The following SH2B3 variants were observed in gnomAD, a reference collection of about 807,000 sequenced individuals.
SH2B3 encodes the protein SH2B adaptor protein 3.
A neutral mutation model predicts 51.9 loss-of-function variants in SH2B3; 43 were observed. That is an observed-to-expected ratio of 0.83 (90% CI 0.65 to 1.07). The LOEUF is 1.07. Ranked by LOEUF, SH2B3 falls within the 50% of genes least tolerant of loss-of-function variation. SH2B3 has a pLI of 0.00. For missense variants in SH2B3, 952 were observed against 834.3 expected (o/e 1.14, Z -1.74); for synonymous variants, 396 against 376.0 (o/e 1.05, Z -0.62).
chr12:111,428,981 G>C (rs537491538), intron 2 of SH2B3, among the ~76,000 whole-genome samples: 1 of 151,698 alleles, frequency 6.6e-6, no homozygotes, highest in African/African-American at 2.4e-5. Flanking sequence ...GACGTCCGCC[G>C]GAGGCCTGGC....
At chr12:111,417,832 G>A (rs776854985) in intron 1 of SH2B3, among the ~76,000 whole-genome samples, 6 of 152,126 alleles carry the variant, frequency 3.9e-5, no homozygotes, top group African/African-American at 7.2e-5. Flanking sequence ...TTATCATAAA[G>A]ATATGTTGAA....
chr12:111,425,456 TC>T (rs1871920497), intron 2 of SH2B3, among the ~76,000 whole-genome samples: 1 of 150,976 alleles, frequency 6.6e-6, no homozygotes, highest in East Asian at 1.9e-4. Context: ...GGTGAAGGAG[TC>T]CCAGGCTGAG....
chr12:111,447,898 C>A, intron 7 of SH2B3, 71 bp downstream of exon 7: 1 of 1,563,038 alleles, frequency 6.4e-7, no homozygotes, highest in Non-Finnish European at 8.8e-7. Flanking sequence ...TGCTGCAGAC[C>A]CAGGGGTACA....
chr12:111,418,645 G>C lies in SH2B3; in HGVS notation c.500G>C (p.Gly167Ala). Residue 167 changes from glycine to alanine, a missense_variant, in exon 2 of 8, where the codon GGA (glycine) becomes GCA (alanine). By Grantham distance (60) the Gly-to-Ala change is moderately conservative (BLOSUM62 0). Coordinates refer to ENST00000341259, the MANE Select transcript of SH2B3 (RefSeq NM_005475.3). The surrounding 1 kb of genome is among the most constrained non-coding windows in gnomAD (Gnocchi z 6.7). ...ACCGCTGCCGCCCCCGGGACCCCCG[G>C]AGAGGCTGCTGAGACCCCCGCCCGG... ...AHTAAAPGTP[G>A]EAAETPARPG... 2 of 1,479,718 alleles carry C rather than the reference G, an allele frequency of 1.4e-6. No individual in the cohort carries two copies. The highest frequency in any genetic ancestry group is 8.9e-7 in the Non-Finnish European group (1 of 1,124,678). The allele number at this position is 1,479,718 out of a possible 1,614,324, so 91.7% of individuals were successfully genotyped here.
At chr12:111,420,038 G>C (rs1871408398) in intron 2 of SH2B3, among the ~76,000 whole-genome samples, 3 of 152,160 alleles carry the variant, frequency 2.0e-5, no homozygotes. Context: ...GCTGGTAGCA[G>C]GTCACTCTGA....
Position 111,448,255 on chromosome 12 carries a change from T to A in SH2B3, c.1681T>A (p.Ser561Thr). 6.2e-7 allele frequency: 1 copy of A among 1,614,048 alleles called. No individual in the cohort carries two copies. The highest frequency in any genetic ancestry group is 8.5e-7 in the Non-Finnish European group (1 of 1,179,978). ...CTCGGACTACGAAATGGACTCATCC[T>A]CCCGGAGCCACCTGCGGGCCATAGA... ...RDSDYEMDSS[S>T]RSHLRAIDNQ... Residue 561 changes from serine to threonine, a missense_variant, in exon 8 of 8, where the codon TCC becomes ACC. Physicochemically the swap from Ser to Thr is moderately conservative, Grantham distance 58. Transcript: ENST00000341259.
intron 2 of SH2B3, among the ~76,000 whole-genome samples, chr12:111,434,369 AC>A (rs1485732435): frequency 6.6e-6 from 1 of 152,024 alleles, no homozygotes; most frequent in African/African-American, 2.4e-5. Context: ...GTGGATTTCG[AC>A]TGTTTCTCTT....
chr12:111,414,870 G>A (rs1041846677), intron 1 of SH2B3, among the ~76,000 whole-genome samples: 3 of 152,218 alleles, frequency 2.0e-5, no homozygotes, highest in African/African-American at 7.2e-5. Flanking sequence ...TTCCTTACAA[G>A]GTGGATGCCA....
intron 1 of SH2B3, among the ~76,000 whole-genome samples, chr12:111,408,537 A>T (rs1294643481): frequency 6.6e-6 from 1 of 152,088 alleles, no homozygotes; most frequent in Non-Finnish European, 1.5e-5. Context: ...CCACCCCCAG[A>T]CATTCTCCAT....
chr12:111,443,215 C>T (rs957347064), intron 2 of SH2B3, among the ~76,000 whole-genome samples: 2 of 152,326 alleles, frequency 1.3e-5, no homozygotes, highest in African/African-American at 2.4e-5. Context: ...CTCAGGTAGG[C>T]GGGAGTCAGG....
rs1406967789 is a variant in SH2B3 at position 111,418,544 on chromosome 12, C to T, written c.399C>T (p.Cys133=). The change falls in exon 2 of 8, where the codon TGC becomes TGT. Residue 133 remains cysteine (C), a synonymous_variant. Transcript: ENST00000341259. The surrounding 1 kb of genome is among the most constrained non-coding windows in gnomAD (Gnocchi z 6.7). ...CCCCGCCGCGGCCGCCCGGGCCCTG[C>T]TCCTTCCAGCACTTTCGCCGCAGCC... The part of the protein sequence containing the change: ...ELAPPRPPGP[C]SFQHFRRSLR... 1 of 1,455,580 alleles carries T rather than the reference C, an allele frequency of 6.9e-7. No homozygotes were observed. Among genetic ancestry groups the T allele is most frequent in the Non-Finnish European group, 9.0e-7 (1 of 1,107,852 alleles). 90.2% of individuals were successfully genotyped at this position (1,455,580 alleles called of 1,614,324 possible).
intron 1 of SH2B3, among the ~76,000 whole-genome samples, chr12:111,414,633 A>C (rs1023271050): frequency 1.3e-5 from 2 of 150,764 alleles, no homozygotes; most frequent in African/African-American, 4.9e-5. Context: ...GCCCCCTTCC[A>C]TCGAGGGCAG....
In SH2B3 at chr12:111,448,337, T is replaced by C. The variant is rs553582838; in HGVS notation, c.*35T>C. On this transcript the variant is annotated 3_prime_UTR_variant, in exon 8 of 8. Transcript: ENST00000341259. Reference sequence around the variant, plus strand: ...AATTCCAGGCCTCAACAGCTGCCCTTGAGGAGCACAGGCAGAAGTGTGAAC... The same window carrying C: ...AATTCCAGGCCTCAACAGCTGCCCTCGAGGAGCACAGGCAGAAGTGTGAAC... 41 of 1,450,400 alleles carry C rather than the reference T, an allele frequency of 2.8e-5. No individual in the cohort carries two copies. In the South Asian group the frequency reaches 3.8e-4, roughly 13 times the overall value. 89.8% of individuals were successfully genotyped at this position (1,450,400 alleles called of 1,614,324 possible).
chr12:111,448,742 C>T lies in SH2B3; in HGVS notation c.*440C>T, dbSNP rs189900072. 3 of 182,104 alleles carry T rather than the reference C, an allele frequency of 1.6e-5. No homozygotes were observed. Among genetic ancestry groups the T allele is most frequent in the South Asian group, 1.1e-4 (1 of 8,768 alleles). The allele number at this position is 182,104 out of a possible 1,614,324, so 11.3% of individuals were successfully genotyped here. The stretch of plus-strand genomic sequence containing the variant: ...ACTAACAAGCGGTTCTCCCATCTAC[C>T]GTCAGTCCACATGGCAGGTCTGCTG... On this transcript the variant is annotated 3_prime_UTR_variant, in exon 8 of 8. Transcript: ENST00000341259.
At position 111,447,460 on chromosome 12, in the gene SH2B3, T is replaced by C. The variant is rs747915559; in HGVS notation, c.1152T>C (p.Asp384=). The stretch of plus-strand genomic sequence containing the variant: ...AGCTGGTTCAGCTGCAGGGCCCTGA[T>C]GCTCATGGAGTGTTCCTGGTGCGGC... The part of the protein sequence containing the change: ...AAQLVQLQGP[D]AHGVFLVRQS... Residue 384 remains aspartate (D), a synonymous_variant, in exon 6 of 8, where the codon GAT becomes GAC. Transcript: ENST00000341259. The C allele has an allele frequency of 6.2e-7, 1 of 1,612,686 alleles. No individual in the cohort carries two copies. Among genetic ancestry groups the C allele is most frequent in the Non-Finnish European group, 8.5e-7 (1 of 1,179,732 alleles).
At chr12:111,414,602 A>C (rs1870940801) in intron 1 of SH2B3, among the ~76,000 whole-genome samples, 1 of 151,976 alleles carries the variant, frequency 6.6e-6, no homozygotes, top group Non-Finnish European at 1.5e-5. Context: ...AAAAAAAAAA[A>C]AACATTGTCG....
chr12:111,406,691 C>G lies in SH2B3; in HGVS notation c.-28+414C>G, dbSNP rs1870276541. 6.6e-6 allele frequency among the ~76,000 whole-genome samples: 1 copy of G among 152,178 alleles called. No individual in the cohort carries two copies. Among genetic ancestry groups the G allele is most frequent in the African/African-American group, 2.4e-5 (1 of 41,456 alleles). ...CTGAGGCTGTGAGCACAGATGAGCC[C>G]TTGGGTGTGGGGGCAGCGGGGGAGG... is the stretch of plus-strand genomic sequence containing the variant. On this transcript the variant is annotated intron_variant, in intron 1 of 7. Coordinates refer to ENST00000341259, the MANE Select transcript of SH2B3 (RefSeq NM_005475.3). This position sits in a 1 kb window ranked among gnomAD's most constrained non-coding sequence, Gnocchi z 5.7.
intron 2 of SH2B3, among the ~76,000 whole-genome samples, chr12:111,436,379 G>C (rs962875458): frequency 6.6e-6 from 1 of 152,222 alleles, no homozygotes; most frequent in African/African-American, 2.4e-5. Flanking sequence ...TGCCCACTGC[G>C]GGGTAGGGAG....
At position 111,448,555 on chromosome 12, in the gene SH2B3, G is replaced by GC; in HGVS notation, c.*256dup. 2.0e-6 allele frequency: 1 copy of GC among 489,640 alleles called. No homozygotes were observed. Among genetic ancestry groups the GC allele is most frequent in the South Asian group, 2.7e-5 (1 of 36,762 alleles). 30.3% of individuals were successfully genotyped at this position (489,640 alleles called of 1,614,324 possible). A position where few individuals can be genotyped will look rare whatever the true frequency, so the allele number is the denominator to read the frequency against. On this transcript the variant is annotated 3_prime_UTR_variant, in exon 8 of 8. Transcript: ENST00000341259. ...TTGTTAGAGGATGCCGCTAGCTCCT[G>GC]CCCGGGGTCCCTATGCCCAGTCCCC...
Sources: allele counts gnomAD v4.1 joint callset (sites outside exome capture counted in the v4.1 genomes callset), GRCh38; gene constraint gnomAD v4.1.1; non-coding constraint Gnocchi (gnomAD v3.1); transcripts MANE v1.5; gene names NCBI Gene and HGNC (gene_info 2026-07-23, HGNC 2026-07-21).